Variants in DISP3 observed in about 807,000 individuals in gnomAD.
DISP3 encodes dispatched RND transporter family member 3.
Under a neutral mutation model 135.3 loss-of-function variants are expected in DISP3, and 101 were observed. The observed-to-expected ratio is 0.75, with a 90% confidence interval of 0.64 to 0.88. The LOEUF is 0.88. Among genes scored for constraint, DISP3 ranks in the 40% least tolerant of loss-of-function variants. The pLI is 0.00. For missense variants in DISP3, 1,713 were observed against 1,878.6 expected (o/e 0.91, Z 1.63); for synonymous variants, 856 against 817.0 (o/e 1.05, Z -0.81).
rs747619099 is a variant in DISP3, at chr1:11,535,064, G to A, written c.3589G>A (p.Ala1197Thr). ...LVLSLLICVA[A>T]VAVFTTHILL... ...GCTATCCCTGCTCATCTGCGTGGCC[G>A]CGGTGGCCGTGTTCACCACCCACAT... The change falls in exon 19 of 21, where the codon GCG (alanine) becomes ACG (threonine). Residue 1197 changes from alanine (A) to threonine (T), a missense_variant. Transcript: ENST00000294484. 8 of 1,607,830 alleles carry A rather than the reference G, an allele frequency of 5.0e-6. No individual in the cohort carries two copies. The highest frequency in any genetic ancestry group is 1.7e-4 in the Middle Eastern group (1 of 6,052).
chr1:11,505,204 G>C (rs528367136), intron 3 of DISP3, among the ~76,000 whole-genome samples: 18 of 152,256 alleles, frequency 1.2e-4, no homozygotes, highest in Non-Finnish European at 2.5e-4. Context: ...AAGTTTGAGA[G>C]AGTCTGGTTT....
Position 11,501,702 on chromosome 1 carries a change from C to T in DISP3, c.710C>T (p.Pro237Leu), listed in dbSNP as rs1265677450. 3 of 1,601,010 alleles carry T rather than the reference C, an allele frequency of 1.9e-6. No individual in the cohort carries two copies. The highest frequency in any genetic ancestry group is 2.3e-5 in the East Asian group (1 of 44,364). The change falls in exon 2 of 21, where the codon CCG becomes CTG. Residue 237 changes from proline to leucine, a missense_variant. Physicochemically the swap from Pro to Leu is moderately conservative, Grantham distance 98. Around this residue, in one of 2 missense-constraint regions of DISP3, gnomAD observed 571 missense variants for 494.1 expected, o/e 1.16. Coordinates refer to ENST00000294484, the MANE Select transcript of DISP3 (RefSeq NM_020780.2). This position sits in a 1 kb window ranked among gnomAD's most constrained non-coding sequence, Gnocchi z 4.9. The stretch of plus-strand genomic sequence containing the variant: ...AATGGGCGGTACCAGCCCAGCATCC[C>T]GCCCCACGCGGCAGTCGCGGCCAAT... Reference protein sequence around the residue: ...SKNGRYQPSIPPHAAVAANQS... With the variant: ...SKNGRYQPSILPHAAVAANQS...
At chr1:11,517,218 G>A (rs1258287908) in intron 6 of DISP3, among the ~76,000 whole-genome samples, 2 of 152,252 alleles carry the variant, frequency 1.3e-5, no homozygotes, top group Admixed American at 1.3e-4. Context: ...GTGGACTGCA[G>A]ATAGACAAGA....
Position 11,517,526 on chromosome 1 carries a change from G to T in DISP3, c.1813G>T (p.Val605Leu). The T allele has an allele frequency of 1.2e-6, 2 of 1,614,160 alleles. No homozygotes were observed. Among genetic ancestry groups the T allele is most frequent in the Non-Finnish European group, 1.7e-6 (2 of 1,180,024 alleles). Residue 605 changes from valine (V) to leucine (L), a missense_variant, in exon 7 of 21, where the codon GTG becomes TTG. Coordinates refer to ENST00000294484, the MANE Select transcript of DISP3 (RefSeq NM_020780.2). ...CATCGTGTCCTGTTGCTGGCTGGCC[G>T]TGCTTGTCACCATGCCTGCAGCTCT... ...SLIVSCCWLA[V>L]LVTMPAALGL...
chr1:11,492,413 G>A lies in DISP3; in HGVS notation c.-3-8577G>A, dbSNP rs560094042. ...TAAATATTGAGCCATTGGGTTTTTC[G>A]AGTCAGCGCCCATAGTTTCCTCACC... On this transcript the variant is annotated intron_variant, in intron 1 of 20. Coordinates refer to ENST00000294484, the MANE Select transcript of DISP3 (RefSeq NM_020780.2). Among the ~76,000 whole-genome samples the A allele has an allele frequency of 2.4e-4, 36 of 152,200 alleles. 1 individual carries two copies. Among genetic ancestry groups the A allele is most frequent in the Non-Finnish European group, 4.4e-4 (30 of 68,012 alleles).
rs200814697 is a variant in DISP3 at position 11,531,043 on chromosome 1, G to A, written c.3229+10G>A. 1.9e-6 allele frequency: 3 copies of A among 1,612,932 alleles called. No homozygotes were observed. Among genetic ancestry groups the A allele is most frequent in the East Asian group, 2.2e-5 (1 of 44,882 alleles). ...CAGTGCCTGCCTTCAGGTGCGTGGG[G>A]TGTGGGGAGCTGGTTCCTCCGAGGG... On this transcript the variant is annotated intron_variant, in intron 16 of 20. Transcript: ENST00000294484. This position sits in a 1 kb window ranked among gnomAD's most constrained non-coding sequence, Gnocchi z 5.2.
intron 15 of DISP3, among the ~76,000 whole-genome samples, chr1:11,530,453 C>T (rs903858356): frequency 2.6e-5 from 4 of 152,164 alleles, no homozygotes; most frequent in African/African-American, 9.7e-5. Flanking sequence ...TTAGTCACAG[C>T]CCAGCGGGGT....
intron 3 of DISP3, among the ~76,000 whole-genome samples, chr1:11,509,353 A>C (rs989563720): frequency 1.3e-5 from 2 of 149,620 alleles, no homozygotes; most frequent in Non-Finnish European, 3.0e-5. Context: ...TGTATACTTG[A>C]AAAAAAAAAG....
intron 7 of DISP3, 118 bp downstream of exon 7, chr1:11,517,720 G>T: frequency 7.6e-7 from 1 of 1,316,168 alleles, no homozygotes. Flanking sequence ...TTGCTAGGCA[G>T]GGAACAGGGA....
At position 11,535,509 on chromosome 1, in the gene DISP3, C is replaced by T. The variant is rs1196056118; in HGVS notation, c.3681C>T (p.Tyr1227=). ...TGTGCCTGGTGGTGACCATCATGTA[C>T]TGGAGCGGCTGGGAGATGGGGGCTG... ...GIVCLVVTIM[Y]WSGWEMGAVE... The change falls in exon 20 of 21, where the codon TAC becomes TAT. Residue 1227 remains tyrosine, a synonymous_variant. Transcript: ENST00000294484. The T allele has an allele frequency of 1.2e-6, 2 of 1,612,876 alleles. No individual in the cohort carries two copies. The highest frequency in any genetic ancestry group is 1.7e-6 in the Non-Finnish European group (2 of 1,179,770).
Position 11,491,723 on chromosome 1 carries a change from A to C in DISP3, c.-3-9267A>C, listed in dbSNP as rs1310037805. Among the ~76,000 whole-genome samples, 1 of 152,176 alleles carries C rather than the reference A, an allele frequency of 6.6e-6. No individual in the cohort carries two copies. Among genetic ancestry groups the C allele is most frequent in the Non-Finnish European group, 1.5e-5 (1 of 68,022 alleles). On this transcript the variant is annotated intron_variant, in intron 1 of 20. Transcript: ENST00000294484. The surrounding 1 kb of genome is among the most constrained non-coding windows in gnomAD (Gnocchi z 4.3). Reference sequence around the variant, plus strand: ...CGAGTATGCCTAGTGACTCCGATTCACGTAAAAGTCCAAGGATCTTTGGGG... The same window carrying C: ...CGAGTATGCCTAGTGACTCCGATTCCCGTAAAAGTCCAAGGATCTTTGGGG...
At chr1:11,492,079 G>A (rs1015470768) in intron 1 of DISP3, among the ~76,000 whole-genome samples, 3 of 126,420 alleles carry the variant, frequency 2.4e-5, no homozygotes, top group Admixed American at 9.7e-5. Flanking sequence ...CCGAGATCCC[G>A]CCACTGCACT....
chr1:11,536,188 C>A lies in DISP3; in HGVS notation c.3817-136C>A. 1 of 1,314,312 alleles carries A rather than the reference C, an allele frequency of 7.6e-7. No individual in the cohort carries two copies. The highest frequency in any genetic ancestry group is 1.0e-6 in the Non-Finnish European group (1 of 987,352). 81.4% of individuals were successfully genotyped at this position (1,314,312 alleles called of 1,614,324 possible). A position where few individuals can be genotyped will look rare whatever the true frequency, so the allele number is the denominator to read the frequency against. ...CTACCTGGTTCCTACCCTCCCAACC[C>A]TGGGAGGCCACTTGCAGCTCTCATC... On this transcript the variant is annotated intron_variant, in intron 20 of 20. Coordinates refer to ENST00000294484, the MANE Select transcript of DISP3 (RefSeq NM_020780.2). This position sits in a 1 kb window ranked among gnomAD's most constrained non-coding sequence, Gnocchi z 4.3.
At chr1:11,493,204 G>T (rs1368397945) in intron 1 of DISP3, among the ~76,000 whole-genome samples, 1 of 152,200 alleles carries the variant, frequency 6.6e-6, no homozygotes, top group Admixed American at 6.5e-5. Flanking sequence ...AGAACCAGGA[G>T]GGCCAATGGT....
Position 11,529,604 on chromosome 1 carries a change from A to G in DISP3, c.2847A>G (p.Val949=). Reference sequence around the variant, plus strand: ...ACAAGCCCCCCTTCCACGGGCGCGTATGCATGGCACCCCCTGGCTGCCTGC... The same window carrying G: ...ACAAGCCCCCCTTCCACGGGCGCGTGTGCATGGCACCCCCTGGCTGCCTGC... ...QSHKPPFHGR[V]CMAPPGCLLS... The change falls in exon 14 of 21, where the codon GTA becomes GTG. Residue 949 remains valine (V), a synonymous_variant. Transcript: ENST00000294484. The surrounding 1 kb of genome is among the most constrained non-coding windows in gnomAD (Gnocchi z 4.7). 1 of 1,607,342 alleles carries G rather than the reference A, an allele frequency of 6.2e-7. No individual in the cohort carries two copies. Among genetic ancestry groups the G allele is most frequent in the Non-Finnish European group, 8.5e-7 (1 of 1,174,908 alleles).
Position 11,517,455 on chromosome 1 carries a change from A to G in DISP3, c.1750-8A>G. 6.2e-7 allele frequency: 1 copy of G among 1,613,578 alleles called. No homozygotes were observed. Among genetic ancestry groups the G allele is most frequent in the Non-Finnish European group, 8.5e-7 (1 of 1,179,600 alleles). On this transcript the variant is annotated splice_region_variant and splice_polypyrimidine_tract_variant and intron_variant, in intron 6 of 20. Transcript: ENST00000294484. ...GTCCCACATCCCTCTCTTCCTTTCC[A>G]TCACCAGATCCCAGCCGTCCACGAC... is the stretch of plus-strand genomic sequence containing the variant.
intron 1 of DISP3, among the ~76,000 whole-genome samples, chr1:11,489,712 G>A (rs1641130956): frequency 6.6e-6 from 1 of 152,168 alleles, no homozygotes; most frequent in African/African-American, 2.4e-5. Flanking sequence ...TAAGTGACTT[G>A]TTCTAGGTCA....
Position 11,501,609 on chromosome 1 carries a change from A to G in DISP3, c.617A>G (p.Glu206Gly). The change falls in exon 2 of 21, where the codon GAG becomes GGG. Residue 206 changes from glutamate to glycine, a missense_variant. This residue lies in a region of DISP3 where 571 missense variants were observed against 494.1 expected (regional missense o/e 1.16). Coordinates refer to ENST00000294484, the MANE Select transcript of DISP3 (RefSeq NM_020780.2). The surrounding 1 kb of genome is among the most constrained non-coding windows in gnomAD (Gnocchi z 4.9). ...TANRSGRLRR[E>G]TPPLEDLAAN... Reference sequence around the variant, plus strand: ...AATCGGAGCGGGCGACTTCGGCGTGAGACCCCGCCCCTGGAGGATCTGGCA... The same window carrying G: ...AATCGGAGCGGGCGACTTCGGCGTGGGACCCCGCCCCTGGAGGATCTGGCA... 6.2e-7 allele frequency: 1 copy of G among 1,603,316 alleles called. No individual in the cohort carries two copies. Among genetic ancestry groups the G allele is most frequent in the South Asian group, 1.1e-5 (1 of 90,060 alleles).
chr1:11,519,528 T>C lies in DISP3; in HGVS notation c.2038+25T>C, dbSNP rs903289120. 6.2e-7 allele frequency: 1 copy of C among 1,611,806 alleles called. No homozygotes were observed. Among genetic ancestry groups the C allele is most frequent in the African/African-American group, 1.3e-5 (1 of 74,920 alleles). The stretch of plus-strand genomic sequence containing the variant: ...GGTGAGAGCTGGCACAGGCCTGCCC[T>C]ACTGACCCCAGTGAGACCCAGCGCT... On this transcript the variant is annotated intron_variant, in intron 8 of 20. Transcript: ENST00000294484. This position sits in a 1 kb window ranked among gnomAD's most constrained non-coding sequence, Gnocchi z 4.3.
Sources: allele counts gnomAD v4.1 joint callset (sites outside exome capture counted in the v4.1 genomes callset), GRCh38; gene constraint gnomAD v4.1.1; regional missense constraint gnomAD v4.1.1; non-coding constraint Gnocchi (gnomAD v3.1); transcripts MANE v1.5; gene names NCBI Gene and HGNC (gene_info 2026-07-23, HGNC 2026-07-21).